The following EXOC6B variants were observed in gnomAD, a reference collection of about 807,000 sequenced individuals.
EXOC6B encodes SEC15 homolog B.
A neutral mutation model predicts 113.5 loss-of-function variants in EXOC6B; 54 were observed. The ratio of observed to expected loss-of-function variants is 0.48; its 90% CI spans 0.38 to 0.60. EXOC6B has a LOEUF of 0.60. Ranked by LOEUF, EXOC6B falls within the 20% of genes least tolerant of loss-of-function variation. The pLI, the probability that EXOC6B is intolerant of heterozygous loss-of-function variation, is 0.00. For synonymous variants in EXOC6B, 357 were observed against 339.0 expected, an observed-to-expected ratio of 1.05 and a Z score of -0.58; for missense variants, 797 against 977.5, an observed-to-expected ratio of 0.82 and a Z score of 2.46.
intron 6 of EXOC6B, among the ~76,000 whole-genome samples, chr2:72,593,209 T>G (rs1233533967): frequency 6.6e-6 from 1 of 152,102 alleles, no homozygotes; most frequent in Non-Finnish European, 1.5e-5. Flanking sequence ...TATTCTTAAG[T>G]TGTACGCTTT....
intron 7 of EXOC6B, among the ~76,000 whole-genome samples, chr2:72,565,698 A>G (rs1371097832): frequency 6.6e-5 from 10 of 152,192 alleles, no homozygotes; most frequent in Admixed American, 2.0e-4. Flanking sequence ...AAGATACTCA[A>G]CTTTACCCAC....
chr2:72,802,220 G>T (rs1685321839), intron 1 of EXOC6B, among the ~76,000 whole-genome samples: 1 of 151,872 alleles, frequency 6.6e-6, no homozygotes, highest in South Asian at 2.1e-4. Flanking sequence ...AGCTACTCAG[G>T]AGGCTGAGGC....
chr2:72,759,312 A>T (rs1003895853), intron 1 of EXOC6B, among the ~76,000 whole-genome samples: 14 of 152,232 alleles, frequency 9.2e-5, no homozygotes, highest in African/African-American at 3.4e-4. Flanking sequence ...TGAGAAAAAT[A>T]AGGCCCATCT....
intron 8 of EXOC6B, among the ~76,000 whole-genome samples, chr2:72,530,044 G>T (rs1171382219): frequency 5.9e-5 from 9 of 151,890 alleles, no homozygotes; most frequent in Non-Finnish European, 4.4e-5. Flanking sequence ...TCATGTTGGA[G>T]GTCTGTCCAT....
chr2:72,776,818 G>A (rs556377964), intron 1 of EXOC6B, among the ~76,000 whole-genome samples: 1 of 151,876 alleles, frequency 6.6e-6, no homozygotes, highest in South Asian at 2.1e-4. Context: ...AATATTTGAA[G>A]ACATAATGAC....
At chr2:72,425,525 A>C (rs1488480311) in intron 18 of EXOC6B, among the ~76,000 whole-genome samples, 1 of 152,178 alleles carries the variant, frequency 6.6e-6, no homozygotes, top group East Asian at 1.9e-4. Flanking sequence ...GTCCTCAGAA[A>C]GATGAAGCAA....
intron 19 of EXOC6B, among the ~76,000 whole-genome samples, chr2:72,343,792 A>G (rs1373357677): frequency 3.9e-5 from 6 of 152,112 alleles, no homozygotes; most frequent in African/African-American, 1.4e-4. Context: ...TATTTTGAAT[A>G]TATTGGCTTA....
intron 6 of EXOC6B, among the ~76,000 whole-genome samples, chr2:72,706,935 T>C (rs910450954): frequency 1.3e-5 from 2 of 152,198 alleles, no homozygotes; most frequent in African/African-American, 4.8e-5. Context: ...GATATTTCCA[T>C]GCTGTGAGGA....
At chr2:72,286,521 A>C (rs1216427571) in intron 20 of EXOC6B, among the ~76,000 whole-genome samples, 1 of 152,182 alleles carries the variant, frequency 6.6e-6, no homozygotes, top group Non-Finnish European at 1.5e-5. Context: ...GGTGGAGTAC[A>C]GAGGATTTTA....
At chr2:72,599,214 G>A (rs1478557116) in intron 6 of EXOC6B, among the ~76,000 whole-genome samples, 1 of 152,038 alleles carries the variant, frequency 6.6e-6, no homozygotes, top group Non-Finnish European at 1.5e-5. Flanking sequence ...ATCACAACAA[G>A]TAAGGCTTGT....
intron 1 of EXOC6B, among the ~76,000 whole-genome samples, chr2:72,767,093 T>C (rs1683113177): frequency 6.6e-6 from 1 of 152,042 alleles, no homozygotes; most frequent in African/African-American, 2.4e-5. Context: ...CCAGCAGTTC[T>C]CAAAATTTTT....
At chr2:72,656,192 T>C (rs934618490) in intron 6 of EXOC6B, among the ~76,000 whole-genome samples, 1 of 151,974 alleles carries the variant, frequency 6.6e-6, no homozygotes, top group Non-Finnish European at 1.5e-5. Context: ...CAGTATGCAA[T>C]AAACAGGAGA....
At chr2:72,249,403 C>T (rs1287187327) in intron 20 of EXOC6B, among the ~76,000 whole-genome samples, 1 of 151,972 alleles carries the variant, frequency 6.6e-6, no homozygotes, top group Non-Finnish European at 1.5e-5. Flanking sequence ...TATAGGCGCC[C>T]GCCACTACAC....
At chr2:72,505,443 A>T (rs943535225) in intron 11 of EXOC6B, among the ~76,000 whole-genome samples, 1 of 152,128 alleles carries the variant, frequency 6.6e-6, no homozygotes, top group African/African-American at 2.4e-5. Context: ...ATATCAGAGG[A>T]TCTTAATATG....
At chr2:72,315,055 T>TTA (rs1687430507) in intron 20 of EXOC6B, among the ~76,000 whole-genome samples, 1 of 152,068 alleles carries the variant, frequency 6.6e-6, no homozygotes, top group Admixed American at 6.6e-5. Context: ...TTTGCTTCGG[T>TTA]TATGGTTTGG....
intron 6 of EXOC6B, among the ~76,000 whole-genome samples, chr2:72,687,671 G>T (rs1321660199): frequency 6.6e-6 from 1 of 152,086 alleles, no homozygotes; most frequent in Non-Finnish European, 1.5e-5. Context: ...GCTTAAAGGG[G>T]TTAAGCTGAA....
chr2:72,638,183 T>TA (rs1385684677), intron 6 of EXOC6B, among the ~76,000 whole-genome samples: 27 of 152,036 alleles, frequency 1.8e-4, no homozygotes, highest in African/African-American at 6.0e-4. Flanking sequence ...TTACAACCAT[T>TA]ACGGCAGAAA....
intron 20 of EXOC6B, among the ~76,000 whole-genome samples, chr2:72,227,594 A>G (rs1681325223): frequency 2.0e-5 from 3 of 152,316 alleles, no homozygotes; most frequent in Middle Eastern, 6.8e-3. Context: ...TGAAGAGCAC[A>G]ACTGATATGT....
At chr2:72,300,183 G>C (rs1306278865) in intron 20 of EXOC6B, among the ~76,000 whole-genome samples, 1 of 152,166 alleles carries the variant, frequency 6.6e-6, no homozygotes, top group East Asian at 1.9e-4. Flanking sequence ...ATAAGTCTCT[G>C]ACTGGGGCTG....
Sources: allele counts gnomAD v4.1 joint callset (sites outside exome capture counted in the v4.1 genomes callset), GRCh38; gene constraint gnomAD v4.1.1; transcripts MANE v1.5; gene names NCBI Gene and HGNC (gene_info 2026-07-23, HGNC 2026-07-21).